Variants in COL5A1 observed in about 807,000 individuals in gnomAD.
COL5A1 encodes collagen type V alpha 1 chain.
COL5A1 carries 16 observed loss-of-function variants against 263.7 expected under a neutral mutation model. That is an observed-to-expected ratio of 0.06 (90% CI 0.04 to 0.09). The LOEUF (loss-of-function observed/expected upper bound fraction) is 0.09. COL5A1 is among the 10% of genes least tolerant of loss of function. The pLI is 1.00. For missense variants in COL5A1, 2,036 were observed against 2,540.5 expected (o/e 0.80, Z 4.27); for synonymous variants, 1,012 against 1,004.5 (o/e 1.01, Z -0.14).
intron 1 of COL5A1, among the ~76,000 whole-genome samples, chr9:134,676,586 G>A (rs1832690378): frequency 6.6e-6 from 1 of 152,260 alleles, no homozygotes; most frequent in African/African-American, 2.4e-5. Flanking sequence ...TTGAGATCCT[G>A]CAAAATTGCT....
intron 28 of COL5A1, among the ~76,000 whole-genome samples, chr9:134,781,738 C>T (rs542135485): frequency 5.9e-5 from 9 of 152,266 alleles, no homozygotes; most frequent in East Asian, 3.9e-4. Flanking sequence ...TATTTGTGGC[C>T]GCTGCTCAGC....
chr9:134,672,387 C>T (rs1243398111), intron 1 of COL5A1, among the ~76,000 whole-genome samples: 1 of 152,102 alleles, frequency 6.6e-6, no homozygotes, highest in East Asian at 1.9e-4. Context: ...TTAAGTATAA[C>T]CAAACACATT....
intron 18 of COL5A1, among the ~76,000 whole-genome samples, chr9:134,760,455 C>CA (rs1836333367): frequency 1.9e-5 from 2 of 103,180 alleles, no homozygotes; most frequent in African/African-American, 1.0e-4. Context: ...GCATACACAC[C>CA]CACACACCCC....
At chr9:134,791,295 G>A (rs1330665491) in intron 32 of COL5A1, among the ~76,000 whole-genome samples, 1 of 106,222 alleles carries the variant, frequency 9.4e-6, no homozygotes, top group African/African-American at 3.1e-5. Flanking sequence ...AAAGGGCGAG[G>A]CCGTGTGCTT....
rs74420146 is a variant in COL5A1, at chr9:134,691,239, G to C, written c.277+160G>C. ...TTCGTTTCACTGTAGTGAAAAGGCA[G>C]TTGCAACAGTGGGATTTTGTCCTTC... On this transcript the variant is annotated intron_variant, in intron 2 of 65. Transcript: ENST00000371817. Among the ~76,000 whole-genome samples the C allele has an allele frequency of 2.0e-3, 310 of 152,352 alleles. 1 individual carries two copies. The highest frequency in any genetic ancestry group is 7.1e-3 in the African/African-American group (294 of 41,592).
Position 134,841,179 on chromosome 9 carries a change from C to T in COL5A1, c.5371-978C>T, listed in dbSNP as rs1161329936. 2.0e-5 allele frequency among the ~76,000 whole-genome samples: 3 copies of T among 152,202 alleles called. No homozygotes were observed. The highest frequency in any genetic ancestry group is 2.1e-4 in the South Asian group (1 of 4,828). On this transcript the variant is annotated intron_variant, in intron 65 of 65. Transcript: ENST00000371817. This position sits in a 1 kb window ranked among gnomAD's most constrained non-coding sequence, Gnocchi z 4.8. The stretch of plus-strand genomic sequence containing the variant: ...TCCTTCCCAGGCCCAGATCCAGCTG[C>T]GACTGTAAATCCAGTCTGGGTCTGA...
At chr9:134,726,607 G>T (rs1340589951) in intron 4 of COL5A1, among the ~76,000 whole-genome samples, 1 of 151,912 alleles carries the variant, frequency 6.6e-6, no homozygotes, top group Non-Finnish European at 1.5e-5. Context: ...GGGTTTAATG[G>T]ATGGATGGAC....
chr9:134,810,634 C>T (rs553721186), intron 44 of COL5A1, among the ~76,000 whole-genome samples: 131 of 152,328 alleles, frequency 8.6e-4, no homozygotes, highest in Non-Finnish European at 1.4e-3. Context: ...CAGAATGCTC[C>T]GGCAGAGACA....
At chr9:134,837,392 G>A (rs571513359) in intron 65 of COL5A1, among the ~76,000 whole-genome samples, 1 of 152,190 alleles carries the variant, frequency 6.6e-6, no homozygotes, top group South Asian at 2.1e-4. Flanking sequence ...GACCCTTGGA[G>A]GTTAAAGGGC....
rs869054218 is a variant in COL5A1, at chr9:134,704,805, TC to T, written c.654+3475del. ...CCAAGCATCTTTTCTTTTTTTTTTT[TC>T]CCTTAACAGTGTGAGGAGGAAGTTC... On this transcript the variant is annotated intron_variant, in intron 4 of 65. Coordinates refer to ENST00000371817, the MANE Select transcript of COL5A1 (RefSeq NM_000093.5). 3.5e-3 allele frequency among the ~76,000 whole-genome samples: 179 copies of T among 51,504 alleles called. No homozygotes were observed. In the Middle Eastern group the frequency reaches 0.087, roughly 25 times the overall value. The allele number at this position is 51,504 out of a possible 152,430, so 33.8% of individuals were successfully genotyped here.
rs1465425261 is a variant in COL5A1, at chr9:134,837,429, G to C, written c.5370+2225G>C. Among the ~76,000 whole-genome samples, 4 of 152,046 alleles carry C rather than the reference G, an allele frequency of 2.6e-5. No individual in the cohort carries two copies. In the East Asian group the frequency reaches 7.8e-4, roughly 29 times the overall value. ...GGCCAGACCCCTGCTCCCTAATCTG[G>C]CTAAGAGAGGCTTCTGCTGCTTTTA... On this transcript the variant is annotated intron_variant, in intron 65 of 65. Transcript: ENST00000371817.
intron 4 of COL5A1, among the ~76,000 whole-genome samples, chr9:134,704,715 C>T (rs1332255381): frequency 1.3e-5 from 2 of 151,996 alleles, no homozygotes; most frequent in East Asian, 1.9e-4. Context: ...GCTGTGCTCA[C>T]GTTGGAAAAT....
At chr9:134,704,744 T>C (rs769199342) in intron 4 of COL5A1, among the ~76,000 whole-genome samples, 1 of 151,996 alleles carries the variant, frequency 6.6e-6, no homozygotes, top group Non-Finnish European at 1.5e-5. Context: ...TCTTTCTTAA[T>C]GAAGTCCAGC....
intron 48 of COL5A1, 126 bp downstream of exon 48, chr9:134,812,838 GTGTGTGTACCTCTC>G (rs1410280661): frequency 4.0e-6 from 3 of 740,880 alleles, no homozygotes; most frequent in African/African-American, 3.5e-5. Context: ...GTGCATACAC[GTGTGTGTACCTCTC>G]TGTGTGTACA....
At chr9:134,808,880 C>G (rs915580108) in intron 42 of COL5A1, 2 of 466,512 alleles carry the variant, frequency 4.3e-6, no homozygotes, top group Non-Finnish European at 3.9e-6. Flanking sequence ...ATTTGGCCGG[C>G]TGGATTTGGA....
chr9:134,750,269 C>T (rs936394084), intron 11 of COL5A1, among the ~76,000 whole-genome samples: 2 of 152,196 alleles, frequency 1.3e-5, no homozygotes, highest in Admixed American at 6.5e-5. Context: ...CAGAGGACGC[C>T]TGCTGGGTCT....
Position 134,786,118 on chromosome 9 carries a change from A to T in COL5A1, c.2646+70A>T, listed in dbSNP as rs541742877. 7.8e-5 allele frequency: 109 copies of T among 1,398,298 alleles called. 2 individuals carry two copies. The South Asian group carries it at 1.1e-3, about 14-fold the overall frequency. The allele number at this position is 1,398,298 out of a possible 1,614,324, so 86.6% of individuals were successfully genotyped here. ...GTTCTGCCCGGTCTCCCCACCCTGC[A>T]TCCGGCCGTGTTAGGTGTCCCGGCA... On this transcript the variant is annotated intron_variant, in intron 31 of 65. Transcript: ENST00000371817.
chr9:134,736,653 G>T (rs1835109587), intron 9 of COL5A1, among the ~76,000 whole-genome samples: 1 of 152,140 alleles, frequency 6.6e-6, no homozygotes, highest in African/African-American at 2.4e-5. Context: ...ACTCCATCCG[G>T]TACCCACATC....
chr9:134,770,056 A>C (rs1836821074), intron 25 of COL5A1, among the ~76,000 whole-genome samples: 1 of 152,190 alleles, frequency 6.6e-6, no homozygotes, highest in African/African-American at 2.4e-5. Flanking sequence ...TAAAGCTTAA[A>C]ATGTGAGCGT....
Sources: gnomAD v4.1 joint callset for allele counts (sites outside exome capture counted in the v4.1 genomes callset) on GRCh38, gnomAD v4.1.1 for gene constraint, Gnocchi (gnomAD v3.1) non-coding constraint, MANE v1.5 for transcripts, NCBI Gene and HGNC (gene_info 2026-07-23, HGNC 2026-07-21) for gene names.